The following TENM3 variants were observed in gnomAD, a reference collection of about 807,000 sequenced individuals.
TENM3 encodes teneurin-3.
In TENM3, 63 loss-of-function variants were observed where a neutral mutation model predicts 255.1. The ratio of observed to expected loss-of-function variants is 0.25; its 90% CI spans 0.20 to 0.30. TENM3 has a LOEUF of 0.30. Ranked by LOEUF, TENM3 falls within the 10% of genes least tolerant of loss-of-function variation. TENM3 has a pLI of 1.00. For missense variants in TENM3, 2,929 were observed against 3,461.1 expected, an observed-to-expected ratio of 0.85 and a Z score of 3.86; for synonymous variants, 1,306 against 1,322.3, an observed-to-expected ratio of 0.99 and a Z score of 0.27.
At chr4:182,293,693 C>T (rs1271915041) in intron 1 of TENM3, among the ~76,000 whole-genome samples, 1 of 152,130 alleles carries the variant, frequency 6.6e-6, no homozygotes, top group African/African-American at 2.4e-5. Flanking sequence ...TTCGCCGTAT[C>T]CTTTCTACTG....
intron 3 of TENM3, among the ~76,000 whole-genome samples, chr4:182,543,974 A>G (rs372540936): frequency 6.6e-6 from 1 of 152,282 alleles, no homozygotes; most frequent in East Asian, 1.9e-4. Flanking sequence ...GAACCAGAAT[A>G]TTGTGTAGTA....
chr4:181,988,978 T>C, the TENM3 span, among the ~76,000 whole-genome samples: 2 of 152,090 alleles, frequency 1.3e-5, no homozygotes, highest in Non-Finnish European at 2.9e-5. Context: ...AGTTAAGACA[T>C]CTTTGCCTTA....
At chr4:182,056,533 G>A in the TENM3 span, among the ~76,000 whole-genome samples, 1 of 152,100 alleles carries the variant, frequency 6.6e-6, no homozygotes, top group Non-Finnish European at 1.5e-5. Context: ...GAAGTGTTTT[G>A]CATTTTACAC....
the TENM3 span, among the ~76,000 whole-genome samples, chr4:181,558,865 T>C: frequency 2.0e-5 from 3 of 152,212 alleles, no homozygotes; most frequent in African/African-American, 4.8e-5. Context: ...AAAAGAAATA[T>C]TGTAACCATG....
the TENM3 span, among the ~76,000 whole-genome samples, chr4:181,566,968 G>A: frequency 1.6e-4 from 25 of 152,246 alleles, no homozygotes; most frequent in East Asian, 1.4e-3. Flanking sequence ...GCCATCTTCC[G>A]AGACTCCAAA....
intron 3 of TENM3, among the ~76,000 whole-genome samples, chr4:182,362,156 C>T (rs1343226392): frequency 5.9e-5 from 9 of 152,088 alleles, no homozygotes; most frequent in South Asian, 4.1e-4. Context: ...TTAGGCTGCT[C>T]GGGGGTCAGG....
At chr4:181,791,770 A>G in the TENM3 span, among the ~76,000 whole-genome samples, 84 of 152,320 alleles carry the variant, frequency 5.5e-4, no homozygotes, top group African/African-American at 1.8e-3. Context: ...TATATCTCAT[A>G]TAAAATAGTT....
chr4:182,572,312 G>A (rs1486207236), intron 3 of TENM3, among the ~76,000 whole-genome samples: 1 of 152,200 alleles, frequency 6.6e-6, no homozygotes, highest in Non-Finnish European at 1.5e-5. Flanking sequence ...GTCTTAAAAT[G>A]AGAACATTTT....
chr4:181,468,880 A>G, the TENM3 span, among the ~76,000 whole-genome samples: 3 of 152,160 alleles, frequency 2.0e-5, no homozygotes, highest in Admixed American at 2.0e-4. Context: ...AAGTCGTTAC[A>G]TTTTACTAAC....
the TENM3 span, among the ~76,000 whole-genome samples, chr4:181,571,775 C>T: frequency 2.6e-5 from 4 of 152,178 alleles, no homozygotes; most frequent in East Asian, 7.7e-4. Context: ...ACACCAAGCT[C>T]TGTTTTTATT....
At chr4:182,760,791 C>A (rs971075054) in intron 22 of TENM3, among the ~76,000 whole-genome samples, 3 of 152,116 alleles carry the variant, frequency 2.0e-5, no homozygotes, top group African/African-American at 7.2e-5. Flanking sequence ...ACTCAGTGCC[C>A]ATGGCAAACC....
the TENM3 span, among the ~76,000 whole-genome samples, chr4:181,540,942 AG>A: frequency 6.6e-6 from 1 of 152,262 alleles, no homozygotes; most frequent in South Asian, 2.1e-4. Context: ...TATACTAACG[AG>A]GGGAAGCTGA....
chr4:181,848,156 A>G, the TENM3 span, among the ~76,000 whole-genome samples: 1 of 152,206 alleles, frequency 6.6e-6, no homozygotes, highest in Non-Finnish European at 1.5e-5. Flanking sequence ...TTAGAATCTC[A>G]TCTTAAAACT....
chr4:181,648,853 T>C, the TENM3 span, among the ~76,000 whole-genome samples: 1 of 152,276 alleles, frequency 6.6e-6, no homozygotes, highest in African/African-American at 2.4e-5. Flanking sequence ...TCCTGCAACA[T>C]TCCAGGCCTT....
the TENM3 span, among the ~76,000 whole-genome samples, chr4:181,567,587 G>A: frequency 6.6e-6 from 1 of 152,098 alleles, no homozygotes; most frequent in Non-Finnish European, 1.5e-5. Context: ...TGACCTTAGG[G>A]CTAAATAAAC....
chr4:181,829,563 A>G, the TENM3 span, among the ~76,000 whole-genome samples: 1 of 152,334 alleles, frequency 6.6e-6, no homozygotes, highest in African/African-American at 2.4e-5. Context: ...ACAGATGCTC[A>G]TAATATTGAT....
At position 182,283,539 on chromosome 4, in the gene TENM3, A is replaced by G. The variant is rs77195758; in HGVS notation, c.-76+40063A>G. Among the ~76,000 whole-genome samples the G allele has an allele frequency of 3.5e-3, 537 of 152,284 alleles. 4 individuals are homozygous for G. The highest frequency in any genetic ancestry group is 0.012 in the African/African-American group (506 of 41,546). On this transcript the variant is annotated intron_variant, in intron 1 of 27. Transcript: ENST00000511685. Reference sequence around the variant, plus strand: ...GGTACACTTTCTAGGATAAAGATATATATGTAAATGTATCTGGTTGGCTCC... The same window carrying G: ...GGTACACTTTCTAGGATAAAGATATGTATGTAAATGTATCTGGTTGGCTCC...
chr4:182,067,291 A>G, the TENM3 span, among the ~76,000 whole-genome samples: 1 of 152,134 alleles, frequency 6.6e-6, no homozygotes, highest in East Asian at 1.9e-4. Context: ...GACACATCTC[A>G]GACGAACGGA....
the TENM3 span, among the ~76,000 whole-genome samples, chr4:181,929,162 A>G: frequency 6.6e-6 from 1 of 152,230 alleles, no homozygotes; most frequent in Non-Finnish European, 1.5e-5. Flanking sequence ...TGACAGGATC[A>G]AATTCACACA....
Sources: gnomAD v4.1 joint callset for allele counts (sites outside exome capture counted in the v4.1 genomes callset) on GRCh38, gnomAD v4.1.1 for gene constraint, MANE v1.5 for transcripts, NCBI Gene and HGNC (gene_info 2026-07-23, HGNC 2026-07-21) for gene names.